Variants in NHSL1 observed in about 807,000 individuals in gnomAD.
The protein encoded by NHSL1 is NHS like 1, also known as NHS-like protein 1.
Under a neutral mutation model 95.0 loss-of-function variants are expected in NHSL1, and 48 were observed. That is an observed-to-expected ratio of 0.51 (90% CI 0.40 to 0.64). The LOEUF (loss-of-function observed/expected upper bound fraction) is 0.64. Among genes scored for constraint, NHSL1 ranks in the 30% least tolerant of loss-of-function variants. The probability of loss-of-function intolerance (pLI) is 0.00; values close to 1 mark genes in which losing one functional copy is unlikely to be tolerated. For missense variants in NHSL1, 1,971 were observed against 2,077.7 expected, an observed-to-expected ratio of 0.95 and a Z score of 1.00; for synonymous variants, 783 against 833.9, an observed-to-expected ratio of 0.94 and a Z score of 1.05.
At chr6:138,479,516 A>G (rs567855593) in intron 2 of NHSL1, among the ~76,000 whole-genome samples, 1 of 152,308 alleles carries the variant, frequency 6.6e-6, no homozygotes, top group Non-Finnish European at 1.5e-5. Context: ...TCCGATGGAC[A>G]AAGGGAGGTT....
intron 1 of NHSL1, among the ~76,000 whole-genome samples, chr6:138,564,246 C>T (rs1783522674): frequency 6.6e-6 from 1 of 152,208 alleles, no homozygotes; most frequent in South Asian, 2.1e-4. Flanking sequence ...ATAACTTGGA[C>T]TTCTGAATGG....
At chr6:138,620,073 T>C (rs1784634707) in intron 1 of NHSL1, among the ~76,000 whole-genome samples, 1 of 150,934 alleles carries the variant, frequency 6.6e-6, no homozygotes, top group Admixed American at 6.6e-5. Flanking sequence ...AAGATACTCC[T>C]TAACACCTGC....
At chr6:138,562,084 C>G (rs902641514) in intron 1 of NHSL1, among the ~76,000 whole-genome samples, 6 of 152,184 alleles carry the variant, frequency 3.9e-5, no homozygotes, top group Non-Finnish European at 7.3e-5. Context: ...ACCACTGCAA[C>G]CAGCTTCAGG....
At chr6:138,580,300 G>A (rs1784033548) in intron 1 of NHSL1, among the ~76,000 whole-genome samples, 1 of 152,150 alleles carries the variant, frequency 6.6e-6, no homozygotes. Flanking sequence ...AGTATAAAAT[G>A]TGTTGTAGGA....
At position 138,644,957 on chromosome 6, in the gene NHSL1, C is replaced by G. The variant is rs559046718; in HGVS notation, c.96+47519G>C. On this transcript the variant is annotated intron_variant, in intron 1 of 3. Transcript: ENST00000491526. ...TGGTCTCTGACCTTGAATACAGAGT[C>G]AATAATTTTGAAACCTAAACATCTA... Among the ~76,000 whole-genome samples the G allele has an allele frequency of 3.9e-5, 6 of 152,260 alleles. No homozygotes were observed. In the East Asian group the frequency reaches 5.8e-4, roughly 15 times the overall value.
chr6:138,545,843 T>C, upstream of NHSL1: 1 of 1,132,134 alleles, frequency 8.8e-7, no homozygotes, highest in Non-Finnish European at 1.1e-6. Context: ...TCCTGGGTTA[T>C]TTCACACCAT....
rs546442953 is a variant in NHSL1, at chr6:138,660,459, C to T, written c.96+32017G>A. ...AAAATATAGACCCTGACCAAAGACA[C>T]AGAAAGCAATATTTATTCCATCCCC... is the stretch of plus-strand genomic sequence containing the variant. On this transcript the variant is annotated intron_variant, in intron 1 of 3. Coordinates refer to the NHSL1 transcript ENST00000491526. 2.0e-5 allele frequency among the ~76,000 whole-genome samples: 3 copies of T among 152,140 alleles called. No homozygotes were observed. The East Asian group carries it at 5.8e-4, about 29-fold the overall frequency.
intron 1 of NHSL1, among the ~76,000 whole-genome samples, chr6:138,513,498 A>C (rs983917699): frequency 6.6e-6 from 1 of 152,116 alleles, no homozygotes; most frequent in Non-Finnish European, 1.5e-5. Flanking sequence ...CGGCCTCCCA[A>C]GTAGCTGGGA....
rs897261350 is a variant in NHSL1 at position 138,432,003 on chromosome 6, C to A, written c.2342G>T (p.Gly781Val). Residue 781 changes from glycine to valine, a missense_variant, in exon 6 of 8, where the codon GGT (glycine) becomes GTT (valine). Transcript: ENST00000343505. The surrounding 1 kb of genome is among the most constrained non-coding windows in gnomAD (Gnocchi z 4.4). Reference protein sequence around the residue: ...SVKSEYTDPWGYYIDYTGMQE... With the variant: ...SVKSEYTDPWVYYIDYTGMQE... ...CATGCCCGTGTAGTCAATGTAATAA[C>A]CCCAGGGGTCCGTGTACTCTGACTT... is the stretch of plus-strand genomic sequence containing the variant. 1.9e-6 allele frequency: 3 copies of A among 1,551,718 alleles called. No individual in the cohort carries two copies. The highest frequency in any genetic ancestry group is 2.6e-6 in the Non-Finnish European group (3 of 1,146,998).
intron 1 of NHSL1, among the ~76,000 whole-genome samples, chr6:138,639,797 CAAAAAAAAAAAAAA>C (rs56909767): frequency 4.0e-4 from 9 of 22,586 alleles, no homozygotes; most frequent in Middle Eastern, 0.033. Flanking sequence ...GACTCAGTCT[CAAAAAAAAAAAAAA>C]AAAAAAAAAA....
chr6:138,616,596 C>G (rs1386705199), intron 1 of NHSL1, among the ~76,000 whole-genome samples: 1 of 152,052 alleles, frequency 6.6e-6, no homozygotes, highest in African/African-American at 2.4e-5. Context: ...TTGGGTGTAC[C>G]TTCCCATCCC....
upstream of NHSL1, among the ~76,000 whole-genome samples, chr6:138,573,292 G>T (rs148653433): frequency 3.2e-4 from 49 of 152,276 alleles, no homozygotes; most frequent in African/African-American, 8.7e-4. Context: ...TCCTAGGGGT[G>T]TTAAAAGTCC....
rs554560886 is a variant in NHSL1, at chr6:138,443,119, TA to T, written c.533-1006del. Among the ~76,000 whole-genome samples, 40 of 152,124 alleles carry T rather than the reference TA, an allele frequency of 2.6e-4. No homozygotes were observed. In the South Asian group the frequency reaches 8.1e-3, roughly 31 times the overall value. ...ACTTCTATCATTTTATGCATAAAAGTATAAAACATTCACTTTTAGCATTATT... is the reference window on the plus strand; with the variant it reads ...ACTTCTATCATTTTATGCATAAAAGTTAAAACATTCACTTTTAGCATTATT... On this transcript the variant is annotated intron_variant, in intron 4 of 7. Coordinates refer to ENST00000343505, the MANE Select transcript of NHSL1 (RefSeq NM_001144060.2).
At chr6:138,486,179 C>T (rs141382683) in intron 2 of NHSL1, among the ~76,000 whole-genome samples, 130 of 152,260 alleles carry the variant, frequency 8.5e-4, no homozygotes, top group African/African-American at 3.1e-3. Flanking sequence ...CTTTTGTCTA[C>T]GGCCCTGTTT....
rs867032380 is a variant in NHSL1 at position 138,432,661 on chromosome 6, T to C, written c.1684A>G (p.Arg562Gly). ...AAATGCGGCTTCAGGGGGGATGCCC[T>C]TCCATTACCTGAGGATTTGTATTCC... ...PWEYKSSGNG[R>G]ASPLKPHLAT... Residue 562 changes from arginine (R) to glycine (G), a missense_variant, in exon 6 of 8, where the codon AGG becomes GGG. Physicochemically the swap from Arg to Gly is moderately radical, Grantham distance 125. Coordinates refer to ENST00000343505, the MANE Select transcript of NHSL1 (RefSeq NM_001144060.2). This position sits in a 1 kb window ranked among gnomAD's most constrained non-coding sequence, Gnocchi z 4.4. 2 of 1,551,712 alleles carry C rather than the reference T, an allele frequency of 1.3e-6. No homozygotes were observed. Among genetic ancestry groups the C allele is most frequent in the African/African-American group, 2.7e-5 (2 of 73,150 alleles).
intron 1 of NHSL1, among the ~76,000 whole-genome samples, chr6:138,602,625 G>C (rs141794618): frequency 8.0e-4 from 122 of 152,320 alleles, no homozygotes; most frequent in African/African-American, 2.9e-3. Flanking sequence ...CTACAGGCAT[G>C]AGCCACCATG....
At chr6:138,620,657 T>C (rs1447363701) in intron 1 of NHSL1, among the ~76,000 whole-genome samples, 2 of 150,740 alleles carry the variant, frequency 1.3e-5, no homozygotes, top group South Asian at 2.1e-4. Flanking sequence ...CAAAAGCATG[T>C]TGAAAAACAT....
At chr6:138,532,515 A>G (rs1314991290) in intron 1 of NHSL1, among the ~76,000 whole-genome samples, 1 of 152,144 alleles carries the variant, frequency 6.6e-6, no homozygotes, top group East Asian at 1.9e-4. Context: ...GGCTGGAGAG[A>G]AGGGATGGAA....
intron 1 of NHSL1, among the ~76,000 whole-genome samples, chr6:138,540,229 C>A (rs961676309): frequency 6.6e-6 from 1 of 152,182 alleles, no homozygotes; most frequent in Non-Finnish European, 1.5e-5. Flanking sequence ...TTCTAAAAGC[C>A]ACTGATAATT....
Sources: gnomAD v4.1 joint callset for allele counts (sites outside exome capture counted in the v4.1 genomes callset) on GRCh38, gnomAD v4.1.1 for gene constraint, Gnocchi (gnomAD v3.1) non-coding constraint, MANE v1.5 for transcripts, NCBI Gene and HGNC (gene_info 2026-07-23, HGNC 2026-07-21) for gene names.